Variants in CERKL observed in about 807,000 individuals in gnomAD.
The protein encoded by CERKL is ceramide kinase-like protein.
CERKL carries 61 observed loss-of-function variants against 63.4 expected under a neutral mutation model. The ratio of observed to expected loss-of-function variants is 0.96; its 90% CI spans 0.78 to 1.19. The LOEUF is 1.19. CERKL is among the 50% of genes most tolerant of loss of function. CERKL has a pLI of 0.00. For synonymous variants in CERKL, 250 were observed against 230.5 expected (o/e 1.08, Z -0.77); for missense variants, 675 against 655.5 (o/e 1.03, Z -0.33).
chr2:181,576,797 C>A (rs998634649), intron 2 of CERKL, among the ~76,000 whole-genome samples: 1 of 152,206 alleles, frequency 6.6e-6, no homozygotes, highest in African/African-American at 2.4e-5. Context: ...TAGCTGACAG[C>A]ATTTGTTGAC....
intron 2 of CERKL, among the ~76,000 whole-genome samples, chr2:181,592,659 G>A (rs1441223148): frequency 1.3e-5 from 2 of 152,180 alleles, no homozygotes; most frequent in Non-Finnish European, 2.9e-5. Flanking sequence ...AACTTTTCAA[G>A]TGTCAGGAGA....
chr2:181,601,839 A>G (rs941310179), intron 2 of CERKL, among the ~76,000 whole-genome samples: 1 of 152,230 alleles, frequency 6.6e-6, no homozygotes, highest in Non-Finnish European at 1.5e-5. Flanking sequence ...TTAAAAGTCA[A>G]TCTATTTGCT....
At chr2:181,562,283 C>G (rs1688482822) in intron 4 of CERKL, among the ~76,000 whole-genome samples, 1 of 152,166 alleles carries the variant, frequency 6.6e-6, no homozygotes. Context: ...TGGGCCAAAC[C>G]AATGAATACC....
At chr2:181,612,107 A>G (rs533085436) in intron 1 of CERKL, among the ~76,000 whole-genome samples, 10 of 152,218 alleles carry the variant, frequency 6.6e-5, no homozygotes, top group African/African-American at 9.6e-5. Context: ...GAAACTGAAG[A>G]CGGAATGTAA....
At chr2:181,565,553 T>C in intron 4 of CERKL, 1 of 1,262,112 alleles carries the variant, frequency 7.9e-7, no homozygotes, top group Non-Finnish European at 1.1e-6. Context: ...CATTATGAGA[T>C]AATTAAAATT....
chr2:181,588,366 C>T (rs1019521771), intron 2 of CERKL, among the ~76,000 whole-genome samples: 3 of 152,094 alleles, frequency 2.0e-5, no homozygotes, highest in African/African-American at 7.2e-5. Flanking sequence ...CTTTTGGTGG[C>T]TGGCTTATTA....
At chr2:181,651,867 T>C (rs772553003) in intron 1 of CERKL, among the ~76,000 whole-genome samples, 8 of 151,734 alleles carry the variant, frequency 5.3e-5, no homozygotes, top group Non-Finnish European at 1.2e-4. Context: ...ACTAATATTG[T>C]ACTATGTGAA....
At chr2:181,592,421 C>G (rs1416381357) in intron 2 of CERKL, among the ~76,000 whole-genome samples, 1 of 152,096 alleles carries the variant, frequency 6.6e-6, no homozygotes, top group Non-Finnish European at 1.5e-5. Context: ...AGCCCTCAAA[C>G]ACAGAGAACA....
In CERKL at chr2:181,547,864, A is replaced by C; in HGVS notation, c.1134-17T>G. On this transcript the variant is annotated splice_polypyrimidine_tract_variant and intron_variant, in intron 8 of 12. Coordinates refer to ENST00000410087, the MANE Select transcript of CERKL (RefSeq NM_201548.5). The stretch of plus-strand genomic sequence containing the variant: ...TGTGCCCTCCTAAAAGAAAGAAAAC[A>C]AAACAAAGACATAAAACAGATAACG... The C allele has an allele frequency of 6.2e-7, 1 of 1,613,968 alleles. No individual in the cohort carries two copies. The highest frequency in any genetic ancestry group is 8.5e-7 in the Non-Finnish European group (1 of 1,179,960).
intron 4 of CERKL, among the ~76,000 whole-genome samples, chr2:181,560,353 T>C (rs980787667): frequency 6.6e-6 from 1 of 152,204 alleles, no homozygotes. Context: ...TTGCATACAA[T>C]TATAGCGTCA....
intron 2 of CERKL, among the ~76,000 whole-genome samples, chr2:181,581,407 T>C (rs141901868): frequency 3.3e-5 from 5 of 152,332 alleles, no homozygotes; most frequent in Admixed American, 1.3e-4. Context: ...AACTAAAAAC[T>C]ACTTTAATGT....
At chr2:181,591,279 A>C (rs533740548) in intron 2 of CERKL, among the ~76,000 whole-genome samples, 264 of 152,276 alleles carry the variant, frequency 1.7e-3, no homozygotes, top group Non-Finnish European at 2.8e-3. Flanking sequence ...GTTACCTATA[A>C]GGGGTAAGAG....
Position 181,656,917 on chromosome 2 carries a change from C to T in CERKL, c.90G>A (p.Pro30=), listed in dbSNP as rs1213574692. The part of the protein sequence containing the change: ...EAPPEAAAVP[P]ALLTSPQQTE... ...TCTGCTGCGGGGACGTTAACAGCGC[C>T]GGAGGCACAGCGGCAGCCTCCGGGG... The change falls in exon 1 of 13, where the codon CCG becomes CCA. Residue 30 remains proline, a synonymous_variant. Transcript: ENST00000410087. The T allele has an allele frequency of 4.4e-6, 7 of 1,599,262 alleles. No individual in the cohort carries two copies. The highest frequency in any genetic ancestry group is 5.1e-6 in the Non-Finnish European group (6 of 1,172,044).
intron 10 of CERKL, among the ~76,000 whole-genome samples, chr2:181,547,065 T>C (rs1687757012): frequency 6.6e-6 from 1 of 152,164 alleles, no homozygotes; most frequent in African/African-American, 2.4e-5. Context: ...ACAAGCTCTC[T>C]TGTCTGCCGC....
At chr2:181,638,023 T>C (rs2105501148) in intron 1 of CERKL, among the ~76,000 whole-genome samples, 1 of 152,204 alleles carries the variant, frequency 6.6e-6, no homozygotes, top group Admixed American at 6.5e-5. Context: ...ATAAAGCAAA[T>C]GAGTAATGAT....
intron 1 of CERKL, among the ~76,000 whole-genome samples, chr2:181,616,908 C>T (rs1392504891): frequency 6.6e-6 from 1 of 152,138 alleles, no homozygotes; most frequent in Admixed American, 6.5e-5. Context: ...AATTAAAACA[C>T]CTTCATCAGC....
rs1177272982 is a variant in CERKL, at chr2:181,536,873, TC to T, written c.*1310del. ...GAGAGCTGTGGCCGAATTTTGAACA[TC>T]TGTTATAGGGAGTGATCAAATTAGA... On this transcript the variant is annotated 3_prime_UTR_variant, in exon 13 of 13. Coordinates refer to ENST00000410087, the MANE Select transcript of CERKL (RefSeq NM_201548.5). The T allele has an allele frequency of 2.3e-6, 1 of 432,512 alleles. No individual in the cohort carries two copies. Among genetic ancestry groups the T allele is most frequent in the Non-Finnish European group, 4.6e-6 (1 of 217,404 alleles). The allele number at this position is 432,512 out of a possible 1,614,324, so 26.8% of individuals were successfully genotyped here. A position where few individuals can be genotyped will look rare whatever the true frequency, so the allele number is the denominator to read the frequency against.
At chr2:181,606,604 C>G (rs924183087) in intron 1 of CERKL, among the ~76,000 whole-genome samples, 2 of 144,040 alleles carry the variant, frequency 1.4e-5, no homozygotes, top group Non-Finnish European at 3.0e-5. Context: ...AACGGAAAGG[C>G]CTTTTTCTCA....
intron 4 of CERKL, among the ~76,000 whole-genome samples, chr2:181,565,821 T>C (rs1285857744): frequency 6.6e-6 from 1 of 152,168 alleles, no homozygotes. Context: ...TACACTGTCA[T>C]TTCCCAGTAT....
Sources: allele counts gnomAD v4.1 joint callset (sites outside exome capture counted in the v4.1 genomes callset), GRCh38; gene constraint gnomAD v4.1.1; transcripts MANE v1.5; gene names NCBI Gene and HGNC (gene_info 2026-07-23, HGNC 2026-07-21).